PKIB: variants seen among roughly 807,000 people sequenced by gnomAD.
PKIB encodes the protein cAMP-dependent protein kinase inhibitor beta.
In PKIB, 2 loss-of-function variants were observed where a neutral mutation model predicts 4.5. The ratio of observed to expected loss-of-function variants is 0.44; its 90% CI spans 0.18 to 1.39. The LOEUF is 1.39. Ranked by LOEUF, PKIB falls within the 40% of genes most tolerant of loss-of-function variation. The pLI, the probability that PKIB is intolerant of heterozygous loss-of-function variation, is 0.27. For missense variants in PKIB, 94 were observed against 92.6 expected, an observed-to-expected ratio of 1.02 and a Z score of -0.06; for synonymous variants, 38 against 36.0, an observed-to-expected ratio of 1.06 and a Z score of -0.20.
At chr6:122,576,689 A>AATAT (rs1334771841) in intron 2 of PKIB, among the ~76,000 whole-genome samples, 869 of 34,272 alleles carry the variant, frequency 0.025, 113 homozygotes, top group South Asian at 0.076. Flanking sequence ...AAAAAAAAAA[A>AATAT]ATATATATAT....
intron 1 of PKIB, among the ~76,000 whole-genome samples, chr6:122,472,635 A>T (rs1166354943): frequency 6.6e-6 from 1 of 152,210 alleles, no homozygotes; most frequent in Admixed American, 6.5e-5. Flanking sequence ...AACTAATAAT[A>T]AGAAAGTGTT....
At chr6:122,637,804 G>A (rs1356620408) in intron 2 of PKIB, among the ~76,000 whole-genome samples, 2 of 151,516 alleles carry the variant, frequency 1.3e-5, no homozygotes, top group Admixed American at 6.6e-5. Context: ...TAAAGATGAA[G>A]TTCTAGTAAA....
At chr6:122,546,094 A>G (rs1451753647) in intron 2 of PKIB, among the ~76,000 whole-genome samples, 1 of 152,038 alleles carries the variant, frequency 6.6e-6, no homozygotes, top group African/African-American at 2.4e-5. Context: ...TCTTAGTGCC[A>G]ACTAGAAATA....
intron 2 of PKIB, among the ~76,000 whole-genome samples, chr6:122,519,657 T>C (rs993472021): frequency 1.3e-5 from 2 of 152,194 alleles, no homozygotes; most frequent in African/African-American, 4.8e-5. Context: ...CAAAATACAA[T>C]TTCACTAGTA....
intron 3 of PKIB, among the ~76,000 whole-genome samples, chr6:122,590,325 C>T (rs1298938912): frequency 2.0e-5 from 3 of 152,140 alleles, no homozygotes; most frequent in South Asian, 4.1e-4. Context: ...ATCACAGGCT[C>T]AGATGTATCT....
At chr6:122,537,110 T>C (rs889789160) in intron 2 of PKIB, among the ~76,000 whole-genome samples, 2 of 152,054 alleles carry the variant, frequency 1.3e-5, no homozygotes, top group East Asian at 3.9e-4. Flanking sequence ...GTTGCTTCTT[T>C]ATTCCTCCTA....
intron 1 of PKIB, among the ~76,000 whole-genome samples, chr6:122,475,453 A>T (rs1054848914): frequency 6.6e-6 from 1 of 152,100 alleles, no homozygotes; most frequent in South Asian, 2.1e-4. Flanking sequence ...CAGGAGTTAG[A>T]GACCAACCTA....
At chr6:122,520,063 G>A (rs188974609) in intron 2 of PKIB, among the ~76,000 whole-genome samples, 25 of 152,216 alleles carry the variant, frequency 1.6e-4, no homozygotes, top group Admixed American at 1.5e-3. Context: ...TATCCATTGA[G>A]ACTGAGTTCA....
At chr6:122,683,538 A>G (rs1223636875) in intron 3 of PKIB, among the ~76,000 whole-genome samples, 2 of 152,178 alleles carry the variant, frequency 1.3e-5, no homozygotes, top group African/African-American at 4.8e-5. Context: ...GGTGGGGACA[A>G]ATATCCAAAT....
At chr6:122,565,506 C>T (rs1773161537) in intron 2 of PKIB, among the ~76,000 whole-genome samples, 1 of 152,168 alleles carries the variant, frequency 6.6e-6, no homozygotes, top group South Asian at 2.1e-4. Flanking sequence ...CTTGAGAGAA[C>T]TGGCTAAGAT....
At chr6:122,667,583 A>G (rs770099704) in intron 2 of PKIB, among the ~76,000 whole-genome samples, 6 of 152,162 alleles carry the variant, frequency 3.9e-5, no homozygotes, top group Non-Finnish European at 7.3e-5. Context: ...GTGAGATGAA[A>G]GATAATGTAA....
intron 1 of PKIB, among the ~76,000 whole-genome samples, chr6:122,626,100 A>ATAGATAGATAGATAGATAGATAGAGG (rs1775433014): frequency 6.6e-6 from 1 of 151,568 alleles, no homozygotes; most frequent in South Asian, 2.1e-4. Flanking sequence ...ATAGATAGAG[A>ATAGATAGATAGATAGATAGATAGAGG]TAGATTAGAA....
chr6:122,524,427 TTCA>T, intron 2 of PKIB, among the ~76,000 whole-genome samples: 1 of 152,170 alleles, frequency 6.6e-6, no homozygotes, highest in Admixed American at 6.5e-5. Flanking sequence ...CTGCTTCTTC[TTCA>T]TTGTCATCGT....
chr6:122,509,050 A>ACC (rs1776508405), intron 2 of PKIB, among the ~76,000 whole-genome samples: 1 of 152,118 alleles, frequency 6.6e-6, no homozygotes, highest in Non-Finnish European at 1.5e-5. Context: ...CGCCCGGCCT[A>ACC]AAATTTTTTA....
intron 1 of PKIB, among the ~76,000 whole-genome samples, chr6:122,473,322 CTTAAAA>C (rs1775360288): frequency 6.6e-6 from 1 of 152,118 alleles, no homozygotes; most frequent in Admixed American, 6.5e-5. Context: ...GAATGGGTCT[CTTAAAA>C]TTTAAATTTG....
chr6:122,606,910 C>T (rs1774556788), upstream of PKIB, among the ~76,000 whole-genome samples: 1 of 151,848 alleles, frequency 6.6e-6, no homozygotes, highest in Non-Finnish European at 1.5e-5. Context: ...TCTTGGTCTT[C>T]CCTCAAAATA....
intron 2 of PKIB, among the ~76,000 whole-genome samples, chr6:122,487,971 G>C (rs1775817688): frequency 1.3e-5 from 2 of 152,038 alleles, no homozygotes; most frequent in African/African-American, 4.8e-5. Context: ...TATCTTCCAG[G>C]TTTCTCAATT....
chr6:122,636,340 G>A (rs1005928857), intron 2 of PKIB, among the ~76,000 whole-genome samples: 4 of 151,608 alleles, frequency 2.6e-5, no homozygotes, highest in African/African-American at 9.7e-5. Flanking sequence ...GAACCATTAG[G>A]GTAATGAACT....
intron 1 of PKIB, among the ~76,000 whole-genome samples, chr6:122,611,873 G>A (rs938313255): frequency 4.6e-5 from 7 of 152,174 alleles, no homozygotes; most frequent in African/African-American, 1.7e-4. Flanking sequence ...TGCCCCCCTA[G>A]TGACACTATC....
Sources: allele counts gnomAD v4.1 joint callset (sites outside exome capture counted in the v4.1 genomes callset), GRCh38; gene constraint gnomAD v4.1.1; transcripts MANE v1.5; gene names NCBI Gene and HGNC (gene_info 2026-07-23, HGNC 2026-07-21).